C12orf54: variants seen among roughly 807,000 people sequenced by gnomAD.
C12orf54 encodes the protein chromosome 12 open reading frame 54.
In C12orf54, 24 loss-of-function variants were observed where a neutral mutation model predicts 26.4. The ratio of observed to expected loss-of-function variants is 0.91; its 90% confidence interval spans 0.66 to 1.28. C12orf54 has a LOEUF of 1.28. Ranked by LOEUF, C12orf54 falls within the 50% of genes most tolerant of loss-of-function variation. The pLI is 0.00. For missense variants in C12orf54, 154 were observed against 150.9 expected, an observed-to-expected ratio of 1.02 and a Z score of -0.11; for synonymous variants, 54 against 47.0, an observed-to-expected ratio of 1.15 and a Z score of -0.61.
At chr12:48,464,001 C>T in the C12orf54 span, among the ~76,000 whole-genome samples, 1 of 152,162 alleles carries the variant, frequency 6.6e-6, no homozygotes, top group South Asian at 2.1e-4. Context: ...AAGCTAGAAG[C>T]ATTCCCCTTG....
chr12:48,441,256 A>G, the C12orf54 span, among the ~76,000 whole-genome samples: 1 of 152,208 alleles, frequency 6.6e-6, no homozygotes, highest in Non-Finnish European at 1.5e-5. Flanking sequence ...CTTATCAGCA[A>G]GGGCATTTGC....
chr12:48,455,998 T>G, the C12orf54 span, among the ~76,000 whole-genome samples: 1 of 152,268 alleles, frequency 6.6e-6, no homozygotes, highest in South Asian at 2.1e-4. Context: ...TTAAGTGTTT[T>G]ACACTGATTA....
chr12:48,451,551 A>G, the C12orf54 span, among the ~76,000 whole-genome samples: 3 of 152,164 alleles, frequency 2.0e-5, no homozygotes, highest in South Asian at 6.2e-4. Flanking sequence ...AAGTCAAACT[A>G]TCTTTGTTTG....
intron 5 of C12orf54, 103 bp downstream of exon 5, chr12:48,489,059 A>G: frequency 9.0e-7 from 1 of 1,108,098 alleles, no homozygotes; most frequent in Non-Finnish European, 1.4e-6. Context: ...CCAAGGTTTT[A>G]GCTTCATTTA....
chr12:48,476,581 G>T, the C12orf54 span, among the ~76,000 whole-genome samples: 1 of 152,132 alleles, frequency 6.6e-6, no homozygotes, highest in African/African-American at 2.4e-5. Context: ...ACAAAAAAAG[G>T]CAGGGGTTGC....
chr12:48,420,770 T>A, the C12orf54 span, among the ~76,000 whole-genome samples: 2 of 152,172 alleles, frequency 1.3e-5, no homozygotes, highest in African/African-American at 4.8e-5. Flanking sequence ...GTTGAAAAAC[T>A]CCCCTGCCTT....
chr12:48,475,404 T>C, the C12orf54 span, among the ~76,000 whole-genome samples: 1 of 152,148 alleles, frequency 6.6e-6, no homozygotes, highest in African/African-American at 2.4e-5. Flanking sequence ...AGAATGACTT[T>C]GACGAGTTGA....
chr12:48,470,036 A>G, the C12orf54 span, among the ~76,000 whole-genome samples: 3 of 152,182 alleles, frequency 2.0e-5, no homozygotes, highest in African/African-American at 4.8e-5. Flanking sequence ...ATTCATTTTT[A>G]TGGCTACATG....
chr12:48,430,213 A>G, the C12orf54 span, among the ~76,000 whole-genome samples: 5 of 152,304 alleles, frequency 3.3e-5, no homozygotes, highest in South Asian at 1.0e-3. Flanking sequence ...AGAAGATAAC[A>G]TTGGAAAAAT....
At chr12:48,493,810 A>G (rs17123109) in intron 7 of C12orf54, among the ~76,000 whole-genome samples, 13,368 of 151,840 alleles carry the variant, frequency 0.088, 1,226 homozygotes, top group East Asian at 0.4. Flanking sequence ...ACAGATTTAA[A>G]TTAGACATAG....
chr12:48,481,209 TTA>T (rs1042791051), upstream of C12orf54, among the ~76,000 whole-genome samples: 184 of 103,434 alleles, frequency 1.8e-3, no homozygotes, highest in African/African-American at 8.3e-3. Flanking sequence ...AGTTTTTTTT[TTA>T]AAAAAAATGA....
At chr12:48,436,920 G>T in the C12orf54 span, among the ~76,000 whole-genome samples, 5 of 152,094 alleles carry the variant, frequency 3.3e-5, no homozygotes, top group East Asian at 7.7e-4. Flanking sequence ...CAGAACTGAA[G>T]GAAATAGAGA....
the C12orf54 span, among the ~76,000 whole-genome samples, chr12:48,436,377 AGGTATT>A: frequency 6.6e-6 from 1 of 152,212 alleles, no homozygotes; most frequent in Non-Finnish European, 1.5e-5. Flanking sequence ...AAGGATATCC[AGGTATT>A]GAACTCTGCT....
intron 7 of C12orf54, among the ~76,000 whole-genome samples, chr12:48,493,255 A>T (rs1049330894): frequency 6.6e-6 from 1 of 152,216 alleles, no homozygotes; most frequent in African/African-American, 2.4e-5. Context: ...AGATTGTAAG[A>T]AAGTTTCTTA....
At chr12:48,481,209 T>A (rs1954194779), upstream of C12orf54, among the ~76,000 whole-genome samples, 1 of 103,406 alleles carries the variant, frequency 9.7e-6, no homozygotes, top group Non-Finnish European at 1.8e-5. Flanking sequence ...AGTTTTTTTT[T>A]TAAAAAAAAT....
rs1484157833 is a variant in C12orf54 at position 48,489,309 on chromosome 12, T to A, written c.168+353T>A. On this transcript the variant is annotated intron_variant, in intron 5 of 8. Coordinates refer to ENST00000548364, the MANE Select transcript of C12orf54 (RefSeq NM_152319.4). ...TGCCTTATTAGGTGAGTATGTCTGTTAACTGCAGGGAAGTATGAATTAGAG... is the reference window on the plus strand; with the variant it reads ...TGCCTTATTAGGTGAGTATGTCTGTAAACTGCAGGGAAGTATGAATTAGAG... 6 of 417,750 alleles carry A rather than the reference T, an allele frequency of 1.4e-5. No individual in the cohort carries two copies. The East Asian group carries it at 3.5e-4, about 24-fold the overall frequency. The allele number at this position is 417,750 out of a possible 1,614,324, so 25.9% of individuals were successfully genotyped here.
the C12orf54 span, among the ~76,000 whole-genome samples, chr12:48,413,653 T>A: frequency 6.6e-6 from 1 of 152,216 alleles, no homozygotes; most frequent in East Asian, 1.9e-4. Context: ...CCTGAGTAAA[T>A]CTTTGTAGAC....
At chr12:48,455,306 T>C in the C12orf54 span, among the ~76,000 whole-genome samples, 1 of 152,242 alleles carries the variant, frequency 6.6e-6, no homozygotes, top group Non-Finnish European at 1.5e-5. Context: ...CATAGTATTC[T>C]ATGGTGTATA....
At chr12:48,474,703 G>A in the C12orf54 span, among the ~76,000 whole-genome samples, 18 of 152,234 alleles carry the variant, frequency 1.2e-4, no homozygotes, top group East Asian at 5.8e-4. Context: ...AGGGGCGCCC[G>A]CCATTGCCAA....
Sources: gnomAD v4.1 joint callset for allele counts (sites outside exome capture counted in the v4.1 genomes callset) on GRCh38, gnomAD v4.1.1 for gene constraint, MANE v1.5 for transcripts, NCBI Gene and HGNC (gene_info 2026-07-23, HGNC 2026-07-21) for gene names.